The following COL4A3 variants were observed in gnomAD, a reference collection of about 807,000 sequenced individuals.
The protein encoded by COL4A3 is collagen alpha-3(IV) chain.
A neutral mutation model predicts 217.4 loss-of-function variants in COL4A3; 135 were observed. That is an observed-to-expected ratio of 0.62 (90% confidence interval 0.54 to 0.72). The LOEUF (loss-of-function observed/expected upper bound fraction) is 0.72, where lower values mean the gene tolerates loss of function less well. Among genes scored for constraint, COL4A3 ranks in the 30% least tolerant of loss-of-function variants. The pLI is 0.00. For synonymous variants in COL4A3, 690 were observed against 736.3 expected (o/e 0.94, Z 1.02); for missense variants, 1,868 against 2,119.9 (o/e 0.88, Z 2.33).
Position 227,309,254 on chromosome 2 carries a change from C to A in COL4A3, c.4691C>A (p.Thr1564Asn). ...ATCGCCATAGCCGTTCACAGCCAAA[C>A]CACTGACATTCCTCCATGTCCTCAC... ...PAIAIAVHSQTTDIPPCPHGW... is the reference protein window; with the variant it reads ...PAIAIAVHSQNTDIPPCPHGW... Residue 1564 changes from threonine to asparagine, a missense_variant, in exon 50 of 52, where the codon ACC becomes AAC. By Grantham distance (65) the Thr-to-Asn change is moderately conservative (BLOSUM62 0). This residue lies in a region of COL4A3 where 1,503 missense variants were observed against 1,786.1 expected (regional missense o/e 0.84). Coordinates refer to ENST00000396578, the MANE Select transcript of COL4A3 (RefSeq NM_000091.5). 6.2e-7 allele frequency: 1 copy of A among 1,614,202 alleles called. No homozygotes were observed. The highest frequency in any genetic ancestry group is 2.2e-5 in the East Asian group (1 of 44,882).
chr2:227,295,079 A>G lies in COL4A3; in HGVS notation c.3517+17A>G, dbSNP rs756943900. Reference sequence around the variant, plus strand: ...GAGAAACGGGTACAACTTGCTCATTATCTTTGATCCGTTAGTTTTATTTTG... The same window carrying G: ...GAGAAACGGGTACAACTTGCTCATTGTCTTTGATCCGTTAGTTTTATTTTG... On this transcript the variant is annotated intron_variant, in intron 40 of 51. Coordinates refer to ENST00000396578, the MANE Select transcript of COL4A3 (RefSeq NM_000091.5). 4 of 1,606,130 alleles carry G rather than the reference A, an allele frequency of 2.5e-6. No homozygotes were observed. The highest frequency in any genetic ancestry group is 2.6e-6 in the Non-Finnish European group (3 of 1,172,914).
chr2:227,234,326 A>C (rs992751280), intron 1 of COL4A3, among the ~76,000 whole-genome samples: 1 of 152,194 alleles, frequency 6.6e-6, no homozygotes, highest in South Asian at 2.1e-4. Context: ...CTTTTTCCAA[A>C]AGAATTTCTT....
intron 1 of COL4A3, among the ~76,000 whole-genome samples, chr2:227,215,440 C>T (rs2067489998): frequency 6.6e-6 from 1 of 151,810 alleles, no homozygotes; most frequent in South Asian, 2.1e-4. Context: ...TCCGTATGTG[C>T]TTGTTGTTTT....
At chr2:227,230,472 G>A (rs868255332) in intron 1 of COL4A3, among the ~76,000 whole-genome samples, 3 of 152,202 alleles carry the variant, frequency 2.0e-5, no homozygotes, top group South Asian at 2.1e-4. Flanking sequence ...TCATAAAAAT[G>A]TTGCTTAAGA....
intron 1 of COL4A3, among the ~76,000 whole-genome samples, chr2:227,230,275 CA>C (rs1273873620): frequency 6.6e-6 from 1 of 152,106 alleles, no homozygotes; most frequent in African/African-American, 2.4e-5. Flanking sequence ...ATGATTTCCA[CA>C]AGTTTAACTA....
intron 37 of COL4A3, among the ~76,000 whole-genome samples, chr2:227,291,586 A>AAC (rs2072739765): frequency 2.9e-5 from 1 of 34,580 alleles, no homozygotes; most frequent in East Asian, 6.6e-4. Flanking sequence ...AAAACAAAAA[A>AAC]AAAAAACAAA....
chr2:227,290,932 G>A, intron 37 of COL4A3, 46 bp downstream of exon 37: 1 of 1,581,750 alleles, frequency 6.3e-7, no homozygotes, highest in Non-Finnish European at 8.6e-7. Flanking sequence ...TGGAGTGAGT[G>A]CCTTGAAAAA....
chr2:227,310,352 T>C (rs2073696001), intron 50 of COL4A3, among the ~76,000 whole-genome samples: 1 of 152,184 alleles, frequency 6.6e-6, no homozygotes. Flanking sequence ...CACTGCAATC[T>C]CCACCTCCTG....
intron 15 of COL4A3, among the ~76,000 whole-genome samples, chr2:227,255,423 G>C (rs1168788303): frequency 6.6e-6 from 1 of 152,058 alleles, no homozygotes; most frequent in Non-Finnish European, 1.5e-5. Context: ...TATACATTTG[G>C]AAAAGTAAAA....
intron 1 of COL4A3, among the ~76,000 whole-genome samples, chr2:227,166,795 C>T (rs1435699202): frequency 6.6e-6 from 1 of 152,134 alleles, no homozygotes; most frequent in Non-Finnish European, 1.5e-5. Flanking sequence ...GGAATCACAA[C>T]GTTCACTGAT....
At chr2:227,179,334 A>G (rs1192398098) in intron 1 of COL4A3, among the ~76,000 whole-genome samples, 1 of 152,244 alleles carries the variant, frequency 6.6e-6, no homozygotes, top group African/African-American at 2.4e-5. Flanking sequence ...GTAATTAAGT[A>G]ATATATGAGA....
In COL4A3 at chr2:227,308,952, A is replaced by G. The variant is rs766712248; in HGVS notation, c.4516A>G (p.Asn1506Asp). ...RFTTMPFLFC[N>D]VNDVCNFASR... is the part of the protein sequence containing the mutation. ...TACCACAATGCCATTCTTATTCTGC[A>G]ATGTCAATGATGTATGTAATTTTGC... Residue 1506 changes from asparagine to aspartate, a missense_variant, in exon 49 of 52, where the codon AAT (asparagine) becomes GAT (aspartate). Transcript: ENST00000396578. 3 of 1,614,212 alleles carry G rather than the reference A, an allele frequency of 1.9e-6. No homozygotes were observed. The South Asian group carries it at 3.3e-5, about 18-fold the overall frequency.
chr2:227,187,596 C>A (rs2066078885), intron 1 of COL4A3, among the ~76,000 whole-genome samples: 1 of 152,138 alleles, frequency 6.6e-6, no homozygotes, highest in Non-Finnish European at 1.5e-5. Context: ...TGAGGCAGGT[C>A]TCATAGATAA....
intron 1 of COL4A3, among the ~76,000 whole-genome samples, chr2:227,197,199 T>TTTTTGTTTTG (rs558116162): frequency 4.6e-5 from 7 of 152,090 alleles, no homozygotes; most frequent in African/African-American, 1.7e-4. Flanking sequence ...GGGTACGGTT[T>TTTTTGTTTTG]TTTTGTTTTG....
At position 227,312,224 on chromosome 2, in the gene COL4A3, C is replaced by A. The variant is rs1206771593; in HGVS notation, c.*354C>A. On this transcript the variant is annotated 3_prime_UTR_variant, in exon 52 of 52. Coordinates refer to ENST00000396578, the MANE Select transcript of COL4A3 (RefSeq NM_000091.5). ...TGGCCCGCTGGATTCCCACATTTGT[C>A]TTCTTTCTGTCTTTAAGACTCAGGG... is the stretch of plus-strand genomic sequence containing the variant. The A allele has an allele frequency of 3.5e-6, 1 of 287,114 alleles. No individual in the cohort carries two copies. The highest frequency in any genetic ancestry group is 2.2e-5 in the African/African-American group (1 of 44,818). 17.8% of individuals were successfully genotyped at this position (287,114 alleles called of 1,614,324 possible). A position where few individuals can be genotyped will look rare whatever the true frequency, so the allele number is the denominator to read the frequency against.
chr2:227,273,865 G>A (rs1269561090), intron 26 of COL4A3, among the ~76,000 whole-genome samples: 2 of 152,204 alleles, frequency 1.3e-5, no homozygotes, highest in Non-Finnish European at 2.9e-5. Flanking sequence ...CTGGATTCAG[G>A]AGTGTGGCTG....
chr2:227,244,172 TAAGC>T, intron 3 of COL4A3, 144 bp from the exon 4 acceptor site: 1 of 705,790 alleles, frequency 1.4e-6, no homozygotes, highest in Non-Finnish European at 2.6e-6. Context: ...TCCAATGAAA[TAAGC>T]AAGCAATTGA....
At chr2:227,255,447 T>C (rs933893256) in intron 15 of COL4A3, among the ~76,000 whole-genome samples, 4 of 151,152 alleles carry the variant, frequency 2.6e-5, no homozygotes, top group Admixed American at 2.0e-4. Context: ...ACAAAACTTA[T>C]ACATAAGCAA....
In COL4A3 at chr2:227,289,230, G is replaced by A. The variant is rs769683665; in HGVS notation, c.2962G>A (p.Gly988Arg). The change falls in exon 35 of 52, where the codon GGA (glycine) becomes AGA (arginine). Residue 988 changes from glycine (G) to arginine (R), a missense_variant. This residue lies in a region of COL4A3 where 1,503 missense variants were observed against 1,786.1 expected (regional missense o/e 0.84). Transcript: ENST00000396578. ...TTTAAAGGGCCTCAAAGGACTACCCGGACCAGCAGGACCACCAGGTACAGC... is the reference window on the plus strand; with the variant it reads ...TTTAAAGGGCCTCAAAGGACTACCCAGACCAGCAGGACCACCAGGTACAGC... ...PGLKGLKGLP[G>R]PAGPPGPRGD... is the part of the protein sequence containing the mutation. 7 of 1,613,200 alleles carry A rather than the reference G, an allele frequency of 4.3e-6. No individual in the cohort carries two copies. Among genetic ancestry groups the A allele is most frequent in the Admixed American group, 3.3e-5 (2 of 59,912 alleles).
Sources: allele counts gnomAD v4.1 joint callset (sites outside exome capture counted in the v4.1 genomes callset), GRCh38; gene constraint gnomAD v4.1.1; regional missense constraint gnomAD v4.1.1; transcripts MANE v1.5; gene names NCBI Gene and HGNC (gene_info 2026-07-23, HGNC 2026-07-21).